TLK2: variants seen among roughly 807,000 people sequenced by gnomAD.
TLK2 encodes the protein tousled like kinase 2, also known as serine/threonine-protein kinase tousled-like 2.
In TLK2, 6 loss-of-function variants were observed where a neutral mutation model predicts 117.3. The observed-to-expected ratio is 0.05, with a 90% CI of 0.03 to 0.10. The LOEUF (loss-of-function observed/expected upper bound fraction) is 0.10. Ranked by LOEUF, TLK2 falls within the 10% of genes least tolerant of loss-of-function variation. TLK2 has a pLI of 1.00. For synonymous variants in TLK2, 257 were observed against 316.7 expected (o/e 0.81, Z 2.00); for missense variants, 299 against 901.2 (o/e 0.33, Z 8.56).
chr17:62,489,168 A>G (rs1425024984), intron 2 of TLK2, among the ~76,000 whole-genome samples: 1 of 109,404 alleles, frequency 9.1e-6, no homozygotes, highest in Admixed American at 1.2e-4. Context: ...TCTGTATTTA[A>G]TTGTACGTGT....
intron 18 of TLK2, among the ~76,000 whole-genome samples, chr17:62,601,239 CA>C (rs1228979711): frequency 5.3e-5 from 8 of 152,084 alleles, no homozygotes; most frequent in Admixed American, 5.2e-4. Context: ...CAGAATTTTT[CA>C]TCTTTTTGTA....
chr17:62,505,000 T>C (rs1329046062), intron 2 of TLK2, among the ~76,000 whole-genome samples: 1 of 152,050 alleles, frequency 6.6e-6, no homozygotes, highest in African/African-American at 2.4e-5. Context: ...TGCGCCACCA[T>C]GCCTGGCTAA....
At chr17:62,538,074 C>T (rs1332683723) in intron 7 of TLK2, among the ~76,000 whole-genome samples, 3 of 114,110 alleles carry the variant, frequency 2.6e-5, no homozygotes, top group Non-Finnish European at 1.6e-5. Context: ...CTGGTTCTGT[C>T]GCCCAGTCTG....
At chr17:62,562,792 CA>C (rs2079401215) in intron 10 of TLK2, among the ~76,000 whole-genome samples, 1 of 152,140 alleles carries the variant, frequency 6.6e-6, no homozygotes, top group South Asian at 2.1e-4. Context: ...TGTGATCCAG[CA>C]GTTCCTCTCC....
At chr17:62,511,737 AT>A (rs1470459431) in intron 2 of TLK2, among the ~76,000 whole-genome samples, 10 of 152,206 alleles carry the variant, frequency 6.6e-5, no homozygotes, top group African/African-American at 2.4e-4. Flanking sequence ...TTTTGCATAT[AT>A]AAATAGGCCA....
At chr17:62,562,139 C>T (rs2079333217) in intron 10 of TLK2, among the ~76,000 whole-genome samples, 1 of 152,136 alleles carries the variant, frequency 6.6e-6, no homozygotes, top group African/African-American at 2.4e-5. Flanking sequence ...GAGGGTGGAT[C>T]ACTTGAGGTC....
chr17:62,536,726 GT>G (rs1186677624), intron 7 of TLK2, among the ~76,000 whole-genome samples: 2 of 152,136 alleles, frequency 1.3e-5, no homozygotes, highest in South Asian at 4.1e-4. Flanking sequence ...AGTCAGTACA[GT>G]TTTAGTATGT....
chr17:62,546,610 C>T (rs1187437992), intron 7 of TLK2, among the ~76,000 whole-genome samples: 3 of 144,524 alleles, frequency 2.1e-5, no homozygotes, highest in Non-Finnish European at 3.0e-5. Context: ...GGCTGGAGTG[C>T]GGTGGCGTGA....
At chr17:62,478,492 C>A (rs1255372651), upstream of TLK2, among the ~76,000 whole-genome samples, 2 of 149,940 alleles carry the variant, frequency 1.3e-5, no homozygotes, top group African/African-American at 2.4e-5. Context: ...CCTCCGGCCT[C>A]GGGCAGTCGC....
chr17:62,511,741 A>G (rs1160269434), intron 2 of TLK2, among the ~76,000 whole-genome samples: 1 of 152,178 alleles, frequency 6.6e-6, no homozygotes, highest in East Asian at 1.9e-4. Flanking sequence ...GCATATATAA[A>G]TAGGCCATTC....
At chr17:62,501,180 G>T (rs1451588936) in intron 2 of TLK2, among the ~76,000 whole-genome samples, 1 of 152,148 alleles carries the variant, frequency 6.6e-6, no homozygotes. Context: ...GGAGCTTGCA[G>T]TGAGCCAAGA....
At chr17:62,485,313 C>T (rs1004511706) in intron 2 of TLK2, among the ~76,000 whole-genome samples, 2 of 152,202 alleles carry the variant, frequency 1.3e-5, no homozygotes, top group African/African-American at 4.8e-5. Context: ...CAAGTAGCTA[C>T]AGCCTTTGAA....
intron 7 of TLK2, among the ~76,000 whole-genome samples, chr17:62,545,191 T>A (rs529699008): frequency 6.6e-6 from 1 of 152,214 alleles, no homozygotes; most frequent in Non-Finnish European, 1.5e-5. Context: ...TATGCCCAAC[T>A]AATTTTTTTG....
intron 1 of TLK2, among the ~76,000 whole-genome samples, 158 bp downstream of exon 1, chr17:62,479,448 G>A (rs2071342472): frequency 6.6e-6 from 1 of 152,072 alleles, no homozygotes; most frequent in African/African-American, 2.4e-5. Context: ...CTCCCTGAGG[G>A]CTGCGGGTCG....
In TLK2 at chr17:62,496,478, G is replaced by T. The variant is rs140835758; in HGVS notation, c.81+15272G>T. ...GATGTATGCATTTGTGATTTCAGTA[G>T]ATATGGCCACATTCTTCTCCATGGA... On this transcript the variant is annotated intron_variant, in intron 2 of 21. Coordinates refer to ENST00000346027, the MANE Select transcript of TLK2 (RefSeq NM_006852.6). Among the ~76,000 whole-genome samples the T allele has an allele frequency of 1.8e-3, 269 of 152,232 alleles. 1 individual carries two copies. The highest frequency in any genetic ancestry group is 6.0e-3 in the African/African-American group (250 of 41,540).
intron 2 of TLK2, among the ~76,000 whole-genome samples, chr17:62,504,100 G>A (rs902738373): frequency 6.6e-6 from 1 of 152,160 alleles, no homozygotes; most frequent in Admixed American, 6.6e-5. Flanking sequence ...TTATTTTGTT[G>A]TAATACATGC....
chr17:62,526,939 C>A (rs1363905312), intron 6 of TLK2, among the ~76,000 whole-genome samples: 1 of 152,230 alleles, frequency 6.6e-6, no homozygotes, highest in Non-Finnish European at 1.5e-5. Flanking sequence ...GTCTGCTCAA[C>A]ACTTCCTAGA....
chr17:62,574,863 A>G (rs2080646460), intron 12 of TLK2, among the ~76,000 whole-genome samples: 2 of 152,198 alleles, frequency 1.3e-5, no homozygotes, highest in South Asian at 4.1e-4. Context: ...TTTAAAGACT[A>G]GTCAAGTGCA....
intron 2 of TLK2, among the ~76,000 whole-genome samples, chr17:62,515,103 A>T (rs1441528686): frequency 6.6e-6 from 1 of 152,188 alleles, no homozygotes; most frequent in Non-Finnish European, 1.5e-5. Flanking sequence ...TAGGTGCCTC[A>T]TCTATCACAA....
Sources: allele counts gnomAD v4.1 joint callset (sites outside exome capture counted in the v4.1 genomes callset), GRCh38; gene constraint gnomAD v4.1.1; transcripts MANE v1.5; gene names NCBI Gene and HGNC (gene_info 2026-07-23, HGNC 2026-07-21).